Variants in UTP6 observed in about 807,000 individuals in gnomAD.
UTP6 encodes the protein UTP6 small subunit processome component.
UTP6 carries 60 observed loss-of-function variants against 96.5 expected under a neutral mutation model. The observed-to-expected ratio is 0.62, with a 90% CI of 0.51 to 0.77. The LOEUF (loss-of-function observed/expected upper bound fraction) is 0.77. Ranked by LOEUF, UTP6 falls within the 30% of genes least tolerant of loss-of-function variation. The pLI is 0.00. For missense variants in UTP6, 637 were observed against 706.5 expected (o/e 0.90, Z 1.12); for synonymous variants, 215 against 240.1 (o/e 0.90, Z 0.96).
At position 31,869,291 on chromosome 17, in the gene UTP6, C is replaced by G. The variant is rs561689506; in HGVS notation, c.1497-1179G>C. ...TCAAGCAATACTTCCACCTCAGCCT[C>G]CAGAATAGCTGAGACCATAGGTGCA... On this transcript the variant is annotated intron_variant, in intron 16 of 18. Coordinates refer to ENST00000261708, the MANE Select transcript of UTP6 (RefSeq NM_018428.3). Among the ~76,000 whole-genome samples, 11 of 152,086 alleles carry G rather than the reference C, an allele frequency of 7.2e-5. No homozygotes were observed. The East Asian group carries it at 2.1e-3, about 29-fold the overall frequency.
intron 3 of UTP6, 39 bp downstream of exon 3, chr17:31,894,931 C>T: frequency 6.5e-7 from 1 of 1,527,702 alleles, no homozygotes; most frequent in Non-Finnish European, 9.0e-7. Context: ...CTGCTTAGTT[C>T]TGTATTTTTC....
intron 1 of UTP6, among the ~76,000 whole-genome samples, chr17:31,900,159 C>A (rs1432603201): frequency 6.6e-6 from 1 of 151,956 alleles, no homozygotes; most frequent in Non-Finnish European, 1.5e-5. Context: ...AAAAAGTATT[C>A]TCTTACACAA....
chr17:31,884,623 G>A, intron 9 of UTP6, 118 bp from the exon 10 acceptor site: 1 of 765,282 alleles, frequency 1.3e-6, no homozygotes. Flanking sequence ...ATGAGAAATA[G>A]AATAAAATAG....
intron 1 of UTP6, among the ~76,000 whole-genome samples, chr17:31,900,535 C>G (rs978961853): frequency 6.6e-6 from 1 of 152,128 alleles, no homozygotes; most frequent in Non-Finnish European, 1.5e-5. Context: ...CGTGATCCAC[C>G]CACCTCGGCC....
chr17:31,900,299 G>GT (rs1016729980), intron 1 of UTP6, among the ~76,000 whole-genome samples: 2 of 151,784 alleles, frequency 1.3e-5, no homozygotes, highest in Non-Finnish European at 2.9e-5. Flanking sequence ...TATGTATGGT[G>GT]TTTTTTTTGT....
intron 2 of UTP6, among the ~76,000 whole-genome samples, chr17:31,895,977 C>T (rs1904615397): frequency 6.6e-6 from 1 of 150,476 alleles, no homozygotes; most frequent in Non-Finnish European, 1.5e-5. Flanking sequence ...TGTCACTGCA[C>T]TCCAGCCTGG....
intron 2 of UTP6, among the ~76,000 whole-genome samples, chr17:31,895,529 T>C (rs1904581453): frequency 6.6e-6 from 1 of 152,120 alleles, no homozygotes; most frequent in African/African-American, 2.4e-5. Flanking sequence ...CATCAATCCA[T>C]AGGTGTTTTG....
At chr17:31,895,694 C>T (rs1377836681) in intron 2 of UTP6, among the ~76,000 whole-genome samples, 2 of 151,846 alleles carry the variant, frequency 1.3e-5, no homozygotes, top group Non-Finnish European at 2.9e-5. Context: ...CCACCATGCC[C>T]GGCTAATTTT....
At chr17:31,894,212 T>C (rs1198130712) in intron 4 of UTP6, among the ~76,000 whole-genome samples, 2 of 143,632 alleles carry the variant, frequency 1.4e-5, no homozygotes, top group African/African-American at 2.6e-5. Context: ...GAGGTTACAG[T>C]GAACCGAGAT....
In UTP6 at chr17:31,863,410, T is replaced by C; in HGVS notation, c.1743A>G (p.Ser581=). Residue 581 remains serine, a synonymous_variant, in exon 19 of 19, where the codon TCA becomes TCG. Coordinates refer to ENST00000261708, the MANE Select transcript of UTP6 (RefSeq NM_018428.3). The part of the protein sequence containing the change: ...WRAMKMLQGE[S]AEAFVAKHAM... ...CATGTTTAGCTACAAATGCCTCTGC[T>C]GACTCTCCCTGCAACATTTTCATCG... 1 of 1,614,166 alleles carries C rather than the reference T, an allele frequency of 6.2e-7. No homozygotes were observed. The highest frequency in any genetic ancestry group is 8.5e-7 in the Non-Finnish European group (1 of 1,180,030).
intron 17 of UTP6, among the ~76,000 whole-genome samples, chr17:31,865,904 A>T (rs750081320): frequency 2.8e-4 from 42 of 152,166 alleles, no homozygotes; most frequent in South Asian, 8.3e-4. Context: ...ACATTTCCTC[A>T]CCTATAAAAC....
chr17:31,891,301 G>A (rs945504227), intron 6 of UTP6, among the ~76,000 whole-genome samples: 3 of 152,122 alleles, frequency 2.0e-5, no homozygotes, highest in African/African-American at 4.8e-5. Context: ...AACCAGACTG[G>A]ATCCCCTACC....
Position 31,873,861 on chromosome 17 carries a change from A to G in UTP6, c.1306-108T>C, listed in dbSNP as rs185912805. On this transcript the variant is annotated intron_variant, in intron 14 of 18. Transcript: ENST00000261708. The stretch of plus-strand genomic sequence containing the variant: ...TGTATCAATTTTTTTATGCTATAAA[A>G]TGACAGTTTAGTCCTATGCTCTGAA... 3.2e-6 allele frequency: 4 copies of G among 1,264,620 alleles called. No homozygotes were observed. The East Asian group carries it at 7.6e-5, about 24-fold the overall frequency. 78.3% of individuals were successfully genotyped at this position (1,264,620 alleles called of 1,614,324 possible).
At chr17:31,872,025 A>G (rs1166060147) in intron 16 of UTP6, among the ~76,000 whole-genome samples, 2 of 151,908 alleles carry the variant, frequency 1.3e-5, no homozygotes, top group East Asian at 3.9e-4. Context: ...AAAAACCCTT[A>G]TCTACTAAAA....
Position 31,880,557 on chromosome 17 carries a change from G to A in UTP6, c.967+16C>T, listed in dbSNP as rs1293208629. On this transcript the variant is annotated intron_variant, in intron 11 of 18. Coordinates refer to ENST00000261708, the MANE Select transcript of UTP6 (RefSeq NM_018428.3). Reference sequence around the variant, plus strand: ...ACTATTCCTTCTATATCACACCATGGTTTGGTGAAGTTCACCTGTTGGCAG... The same window carrying A: ...ACTATTCCTTCTATATCACACCATGATTTGGTGAAGTTCACCTGTTGGCAG... The A allele has an allele frequency of 2.5e-6, 4 of 1,613,982 alleles. No individual in the cohort carries two copies. The highest frequency in any genetic ancestry group is 3.4e-6 in the Non-Finnish European group (4 of 1,179,926).
At chr17:31,882,642 T>C (rs1910911640) in intron 10 of UTP6, among the ~76,000 whole-genome samples, 1 of 152,080 alleles carries the variant, frequency 6.6e-6, no homozygotes, top group African/African-American at 2.4e-5. Context: ...ATTTTCTAAA[T>C]AATAGAGAAA....
chr17:31,870,904 C>G (rs1171205310), intron 16 of UTP6, among the ~76,000 whole-genome samples: 1 of 152,054 alleles, frequency 6.6e-6, no homozygotes, highest in African/African-American at 2.4e-5. Context: ...CAGCCTCAAC[C>G]ACCTGGACTC....
Position 31,875,223 on chromosome 17 carries a change from A to G in UTP6, c.1305+11T>C. 1 of 1,613,414 alleles carries G rather than the reference A, an allele frequency of 6.2e-7. No individual in the cohort carries two copies. Among genetic ancestry groups the G allele is most frequent in the South Asian group, 1.1e-5 (1 of 91,024 alleles). Reference sequence around the variant, plus strand: ...CAAATATAATGAATACAAAAGATCCAGCTCACTGACCTGGGGTTTCAGGTG... The same window carrying G: ...CAAATATAATGAATACAAAAGATCCGGCTCACTGACCTGGGGTTTCAGGTG... On this transcript the variant is annotated intron_variant, in intron 14 of 18. Coordinates refer to ENST00000261708, the MANE Select transcript of UTP6 (RefSeq NM_018428.3).
chr17:31,871,981 G>T (rs960862411), intron 16 of UTP6, among the ~76,000 whole-genome samples: 2 of 151,862 alleles, frequency 1.3e-5, no homozygotes, highest in African/African-American at 4.8e-5. Context: ...GTCACCAGAG[G>T]TCAGGAGTTC....
Sources: gnomAD v4.1 joint callset for allele counts (sites outside exome capture counted in the v4.1 genomes callset) on GRCh38, gnomAD v4.1.1 for gene constraint, MANE v1.5 for transcripts, NCBI Gene and HGNC (gene_info 2026-07-23, HGNC 2026-07-21) for gene names.